SGO1: variants seen among roughly 807,000 people sequenced by gnomAD.
SGO1 encodes serologically defined breast cancer antigen NY-BR-85.
SGO1 carries 39 observed loss-of-function variants against 50.5 expected under a neutral mutation model. That is an observed-to-expected ratio of 0.77 (90% CI 0.60 to 1.01). SGO1 has a LOEUF of 1.01. SGO1 is among the 50% of genes least tolerant of loss of function. The pLI is 0.00. For missense variants in SGO1, 638 were observed against 606.0 expected (o/e 1.05, Z -0.55); for synonymous variants, 191 against 205.1 (o/e 0.93, Z 0.59).
chr3:20,177,692 T>C (rs906473223), intron 4 of SGO1, among the ~76,000 whole-genome samples: 16 of 152,184 alleles, frequency 1.1e-4, no homozygotes, highest in Non-Finnish European at 2.1e-4. Context: ...TTCCACGATA[T>C]ATACATTAGT....
At chr3:20,161,129 A>G in exon 9 of SGO1, 1 of 1,613,882 alleles carries the variant, frequency 6.2e-7, no homozygotes, top group Non-Finnish European at 8.5e-7. Context: ...TGTGGGTTTC[A>G]AGTTTACATT....
chr3:20,169,864 A>C lies in SGO1; in HGVS notation c.*840T>G. ...TATAACAGTGGTATAAGGAATTCAT[A>C]AACAACTTAGGGTGTACCCTACTGT... On this transcript the variant is annotated 3_prime_UTR_variant, in exon 8 of 8. Transcript: ENST00000412997. 2 of 981,850 alleles carry C rather than the reference A, an allele frequency of 2.0e-6. No homozygotes were observed. The highest frequency in any genetic ancestry group is 2.4e-6 in the Non-Finnish European group (2 of 826,672). 60.8% of individuals were successfully genotyped at this position (981,850 alleles called of 1,614,324 possible).
Position 20,161,673 on chromosome 3 carries a change from TAAATC to T in SGO1, c.1565-452_1565-448del, listed in dbSNP as rs562583585. Among the ~76,000 whole-genome samples the T allele has an allele frequency of 1.8e-3, 278 of 152,210 alleles. 1 individual carries two copies. Among genetic ancestry groups the T allele is most frequent in the African/African-American group, 6.5e-3 (269 of 41,530 alleles). The stretch of plus-strand genomic sequence containing the variant: ...ACAGTTGTTCCTGAATATTATTAGT[TAAATC>T]AAAGCCCAACAATTACGAGATATTG... On this transcript the variant is annotated intron_variant, in intron 8 of 8. Transcript: ENST00000263753.
intron 1 of SGO1, 72 bp downstream of exon 1, chr3:20,185,876 G>A (rs1559381874): frequency 6.6e-6 from 1 of 152,168 alleles, no homozygotes; most frequent in Non-Finnish European, 1.5e-5. Flanking sequence ...CGAGCTTTCG[G>A]CCACCGAATT....
chr3:20,170,353 G>A lies in SGO1; in HGVS notation c.*351C>T, dbSNP rs546615975. ...GCGGAGGTTGCGGTAAGCTGAGATC[G>A]TGCCATTGCACTCCAGCCTGGGCAA... On this transcript the variant is annotated 3_prime_UTR_variant, in exon 8 of 8. Coordinates refer to ENST00000412997, the MANE Select transcript of SGO1 (RefSeq NM_001199251.3). 441 of 814,976 alleles carry A rather than the reference G, an allele frequency of 5.4e-4. 1 individual carries two copies. The African/African-American group carries it at 7.7e-3, about 14-fold the overall frequency. The allele number at this position is 814,976 out of a possible 1,614,324, so 50.5% of individuals were successfully genotyped here.
chr3:20,172,074 CATAA>C (rs775625824), intron 6 of SGO1, among the ~76,000 whole-genome samples: 1 of 152,230 alleles, frequency 6.6e-6, no homozygotes, highest in Non-Finnish European at 1.5e-5. Context: ...TTTGTTCCCA[CATAA>C]ATATACTGTA....
chr3:20,176,162 T>C (rs76008959), intron 5 of SGO1, among the ~76,000 whole-genome samples: 67 of 152,264 alleles, frequency 4.4e-4, no homozygotes, highest in African/African-American at 1.4e-3. Context: ...AATTTAAAAG[T>C]AGTAAGAAAG....
Position 20,170,523 on chromosome 3 carries a change from A to G in SGO1, c.*181T>C, listed in dbSNP as rs1336704845. Reference sequence around the variant, plus strand: ...AAAGAAAAAATAAATTAAATTTATTAAAGTTTTAATACAAAGCATCCCATT... The same window carrying G: ...AAAGAAAAAATAAATTAAATTTATTGAAGTTTTAATACAAAGCATCCCATT... On this transcript the variant is annotated 3_prime_UTR_variant, in exon 8 of 8. Coordinates refer to ENST00000412997, the MANE Select transcript of SGO1 (RefSeq NM_001199251.3). 37 of 1,199,032 alleles carry G rather than the reference A, an allele frequency of 3.1e-5. 1 individual carries two copies. Among genetic ancestry groups the G allele is most frequent in the South Asian group, 1.6e-4 (4 of 24,552 alleles). The allele number at this position is 1,199,032 out of a possible 1,614,324, so 74.3% of individuals were successfully genotyped here.
At chr3:20,177,616 A>T (rs1269303214) in intron 4 of SGO1, among the ~76,000 whole-genome samples, 1 of 152,222 alleles carries the variant, frequency 6.6e-6, no homozygotes. Context: ...ACAGCTCTCT[A>T]CAACAAAGAA....
At chr3:20,176,484 C>G (rs1173940180) in intron 5 of SGO1, 117 bp downstream of exon 5, 1 of 637,928 alleles carries the variant, frequency 1.6e-6, no homozygotes, top group Non-Finnish European at 2.7e-6. Context: ...AGCAGAATAC[C>G]AGATGAACAA....
At position 20,161,146 on chromosome 3, in the gene SGO1, A is replaced by G. The variant is rs148485165; in HGVS notation, c.1645T>C (p.Cys549Arg). 73 of 1,613,588 alleles carry G rather than the reference A, an allele frequency of 4.5e-5. 1 individual carries two copies. The African/African-American group carries it at 8.5e-4, about 19-fold the overall frequency. ...TGGGTTTCAAGTTTACATTTCCTAC[A>G]GTCTGGGAATCTCGAAACAAATTCT... Residue 549 changes from cysteine to arginine, a missense_variant, in exon 9 of 9, where the codon TGT becomes CGT. Physicochemically the swap from Cys to Arg is radical, Grantham distance 180 (BLOSUM62 -3). Transcript: ENST00000263753.
In SGO1 at chr3:20,169,754, T is replaced by C. The variant is rs1270716966; in HGVS notation, c.*950A>G. ...TACAATTAGAGCTTGGGGTTCACAA[T>C]TAGTCACTTATCTTGTCCCTGAGCC... On this transcript the variant is annotated 3_prime_UTR_variant, in exon 8 of 8. Coordinates refer to ENST00000412997, the MANE Select transcript of SGO1 (RefSeq NM_001199251.3). 1 of 929,112 alleles carries C rather than the reference T, an allele frequency of 1.1e-6. No homozygotes were observed. Among genetic ancestry groups the C allele is most frequent in the African/African-American group, 1.8e-5 (1 of 55,978 alleles). The allele number at this position is 929,112 out of a possible 1,614,324, so 57.6% of individuals were successfully genotyped here.
intron 3 of SGO1, among the ~76,000 whole-genome samples, chr3:20,181,440 A>G (rs564764207): frequency 1.3e-5 from 2 of 152,374 alleles, no homozygotes; most frequent in African/African-American, 4.8e-5. Context: ...TAAGCACTGA[A>G]GCACGGGTGT....
chr3:20,165,628 A>T (rs1272241462), downstream of SGO1, among the ~76,000 whole-genome samples: 1 of 152,202 alleles, frequency 6.6e-6, no homozygotes, highest in African/African-American at 2.4e-5. Context: ...CAAACCCTCA[A>T]CAGGTGCAAT....
chr3:20,170,829 AAG>A lies in SGO1; in HGVS notation c.1473-16_1473-15del. On this transcript the variant is annotated splice_polypyrimidine_tract_variant and intron_variant, in intron 7 of 7. Coordinates refer to ENST00000412997, the MANE Select transcript of SGO1 (RefSeq NM_001199251.3). Reference sequence around the variant, plus strand: ...CTTCTCAGTTTCCTGTAAGAGTAAAAAGAGATCTCAGGCATAATGTAAGCATC... The same window carrying A: ...CTTCTCAGTTTCCTGTAAGAGTAAAAAGATCTCAGGCATAATGTAAGCATC... 1 of 1,584,532 alleles carries A rather than the reference AAG, an allele frequency of 6.3e-7. No individual in the cohort carries two copies. The highest frequency in any genetic ancestry group is 8.5e-7 in the Non-Finnish European group (1 of 1,172,460).
chr3:20,176,498 T>A (rs950727828), intron 5 of SGO1, 103 bp downstream of exon 5: 27 of 735,558 alleles, frequency 3.7e-5, no homozygotes, highest in East Asian at 9.0e-5. Context: ...TGAACAAATT[T>A]AAAAAGTTAA....
chr3:20,184,250 G>A (rs557591894), intron 1 of SGO1, among the ~76,000 whole-genome samples: 19 of 152,112 alleles, frequency 1.2e-4, no homozygotes, highest in African/African-American at 4.1e-4. Context: ...TTATAGAAAA[G>A]GTTTATTGAA....
At chr3:20,179,570 G>A (rs1165268743) in intron 3 of SGO1, among the ~76,000 whole-genome samples, 3 of 152,008 alleles carry the variant, frequency 2.0e-5, no homozygotes, top group Non-Finnish European at 2.9e-5. Context: ...GACTACAGGT[G>A]CATGCCACCA....
intron 5 of SGO1, among the ~76,000 whole-genome samples, chr3:20,175,558 A>T (rs1701285122): frequency 6.6e-6 from 1 of 152,240 alleles, no homozygotes; most frequent in Non-Finnish European, 1.5e-5. Context: ...GCACTTTGGG[A>T]GGCCGAGGCG....
Sources: gnomAD v4.1 joint callset for allele counts (sites outside exome capture counted in the v4.1 genomes callset) on GRCh38, gnomAD v4.1.1 for gene constraint, MANE v1.5 for transcripts, NCBI Gene and HGNC (gene_info 2026-07-23, HGNC 2026-07-21) for gene names.